Variants in IL7 observed in about 807,000 individuals in gnomAD.
IL7 encodes interleukin-7.
IL7 carries 3 observed loss-of-function variants against 21.6 expected under a neutral mutation model. The ratio of observed to expected loss-of-function variants is 0.14; its 90% CI spans 0.06 to 0.36. The LOEUF (loss-of-function observed/expected upper bound fraction) is 0.36, where lower values mean the gene tolerates loss of function less well. IL7 is among the 10% of genes least tolerant of loss of function. IL7 has a pLI of 1.00. For synonymous variants in IL7, 62 were observed against 68.1 expected (o/e 0.91, Z 0.44); for missense variants, 175 against 200.2 (o/e 0.87, Z 0.76).
intron 2 of IL7, among the ~76,000 whole-genome samples, chr8:78,753,833 AC>A (rs1341244544): frequency 6.6e-6 from 1 of 151,760 alleles, no homozygotes; most frequent in African/African-American, 2.4e-5. Flanking sequence ...AAATAGGGAA[AC>A]CTTTCCCCAT....
downstream of IL7, among the ~76,000 whole-genome samples, chr8:78,729,995 A>G (rs527837590): frequency 2.0e-5 from 3 of 151,986 alleles, no homozygotes; most frequent in African/African-American, 4.8e-5. Context: ...AGCATGGGAA[A>G]GCTTCAGAAA....
downstream of IL7, among the ~76,000 whole-genome samples, chr8:78,727,868 T>C (rs938655897): frequency 1.3e-5 from 2 of 151,988 alleles, no homozygotes. Flanking sequence ...ACTGTCTTTG[T>C]AGAAAATCTC....
At chr8:78,686,424 ACTGT>A in intron 3 of IL7, 4 of 1,182,924 alleles carry the variant, frequency 3.4e-6, no homozygotes, top group Non-Finnish European at 3.3e-6. Context: ...CTAAAAAGAT[ACTGT>A]TTGTTTATTT....
intron 1 of IL7, among the ~76,000 whole-genome samples, chr8:78,798,964 C>T (rs1400711767): frequency 2.0e-5 from 3 of 151,978 alleles, no homozygotes; most frequent in East Asian, 3.9e-4. Flanking sequence ...GATAACTCTT[C>T]CCAATTAGGA....
chr8:78,736,633 G>C (rs1179750876), intron 4 of IL7, 106 bp from the exon 5 acceptor site: 36 of 611,902 alleles, frequency 5.9e-5, no homozygotes, highest in South Asian at 5.3e-4. Flanking sequence ...TAATCTATTT[G>C]AGACTCTACT....
intron 3 of IL7, among the ~76,000 whole-genome samples, chr8:78,707,739 T>C (rs1192475414): frequency 2.0e-5 from 3 of 152,216 alleles, no homozygotes; most frequent in African/African-American, 7.2e-5. Flanking sequence ...GAAAGAGAGC[T>C]GTGGAGCTCA....
Position 78,773,980 on chromosome 8 carries a change from C to T in IL7, c.147+24092G>A, listed in dbSNP as rs118076090. Among the ~76,000 whole-genome samples, 621 of 152,008 alleles carry T rather than the reference C, an allele frequency of 4.1e-3. 2 individuals are homozygous for T. Among genetic ancestry groups the T allele is most frequent in the African/African-American group, 8.9e-3 (371 of 41,464 alleles). ...CTCCAATTTGGCCATATTAGGTAAA[C>T]AAGCATTCTTTAGTTTGGAACGCCA... On this transcript the variant is annotated intron_variant, in intron 2 of 5. Coordinates refer to ENST00000263851, the MANE Select transcript of IL7 (RefSeq NM_000880.4).
At chr8:78,743,592 ATTC>A (rs1228541982) in intron 2 of IL7, among the ~76,000 whole-genome samples, 26 of 152,040 alleles carry the variant, frequency 1.7e-4, no homozygotes, top group Admixed American at 1.6e-3. Flanking sequence ...GCATTACGAA[ATTC>A]TTGTAGTGTG....
chr8:78,683,306 C>T (rs957966177), intron 4 of IL7, among the ~76,000 whole-genome samples: 6 of 152,226 alleles, frequency 3.9e-5, no homozygotes, highest in Admixed American at 2.6e-4. Flanking sequence ...AGGGCCCCGC[C>T]CCTGAAACAA....
intron 3 of IL7, chr8:78,712,129 G>C (rs1336876379): frequency 3.2e-6 from 4 of 1,245,398 alleles, no homozygotes; most frequent in African/African-American, 1.6e-5. Context: ...AACTCAGTTT[G>C]GTTAATATTT....
At chr8:78,680,214 A>G (rs1175241077) in intron 4 of IL7, among the ~76,000 whole-genome samples, 1 of 149,018 alleles carries the variant, frequency 6.7e-6, no homozygotes, top group Non-Finnish European at 1.5e-5. Flanking sequence ...TTGTAAACTT[A>G]AAAATTGAAT....
chr8:78,795,071 C>T (rs1813810448), intron 2 of IL7, among the ~76,000 whole-genome samples: 2 of 151,980 alleles, frequency 1.3e-5, no homozygotes, highest in Admixed American at 1.3e-4. Flanking sequence ...ACTGGATAAC[C>T]CTGGGCCTCA....
intron 2 of IL7, among the ~76,000 whole-genome samples, chr8:78,742,046 C>G (rs1164243925): frequency 6.6e-6 from 1 of 151,942 alleles, no homozygotes; most frequent in African/African-American, 2.4e-5. Flanking sequence ...AGGCATGGTG[C>G]CTTATGCCTG....
At chr8:78,727,454 G>T (rs1811357730) in intron 3 of IL7, among the ~76,000 whole-genome samples, 1 of 151,940 alleles carries the variant, frequency 6.6e-6, no homozygotes, top group South Asian at 2.1e-4. Flanking sequence ...TCCTTTTCAG[G>T]TCATGTTGAC....
chr8:78,763,764 T>C (rs1288935589), intron 2 of IL7, among the ~76,000 whole-genome samples: 1 of 152,200 alleles, frequency 6.6e-6, no homozygotes, highest in Non-Finnish European at 1.5e-5. Context: ...ATTGTATCAA[T>C]GCTCCACACT....
intron 2 of IL7, among the ~76,000 whole-genome samples, chr8:78,769,845 C>T (rs779711499): frequency 1.1e-4 from 17 of 152,048 alleles, no homozygotes; most frequent in Non-Finnish European, 1.8e-4. Flanking sequence ...AGATATAGAC[C>T]AATGGAACAG....
At chr8:78,715,456 T>A, downstream of IL7, 1 of 815,000 alleles carries the variant, frequency 1.2e-6, no homozygotes, top group Non-Finnish European at 1.8e-6. Flanking sequence ...TTAATCTGGC[T>A]TTTAAGTTGT....
intron 2 of IL7, among the ~76,000 whole-genome samples, chr8:78,741,937 A>G (rs1446790819): frequency 1.3e-5 from 2 of 152,162 alleles, no homozygotes; most frequent in Admixed American, 6.5e-5. Context: ...CCATCTTTTG[A>G]TTTAACAAAG....
intron 3 of IL7, among the ~76,000 whole-genome samples, chr8:78,705,137 G>A (rs1475616311): frequency 6.6e-6 from 1 of 152,214 alleles, no homozygotes; most frequent in Non-Finnish European, 1.5e-5. Context: ...ATTCTGAGGA[G>A]ATTCTCAGCC....
Sources: gnomAD v4.1 joint callset for allele counts (sites outside exome capture counted in the v4.1 genomes callset) on GRCh38, gnomAD v4.1.1 for gene constraint, MANE v1.5 for transcripts, NCBI Gene and HGNC (gene_info 2026-07-23, HGNC 2026-07-21) for gene names.